IL1RAPL2: variants seen among roughly 807,000 people sequenced by gnomAD.
IL1RAPL2 encodes the protein interleukin 1 receptor accessory protein like 2.
Under a neutral mutation model 44.1 loss-of-function variants are expected in IL1RAPL2, and 3 were observed. That is an observed-to-expected ratio of 0.07 (90% CI 0.03 to 0.18). The LOEUF is 0.18. Among genes scored for constraint, IL1RAPL2 ranks in the 10% least tolerant of loss-of-function variants. The pLI, the probability that IL1RAPL2 is intolerant of heterozygous loss-of-function variation, is 1.00. For synonymous variants in IL1RAPL2, 181 were observed against 178.8 expected (o/e 1.01, Z -0.10); for missense variants, 391 against 496.4 (o/e 0.79, Z 2.02).
intron 5 of IL1RAPL2, among the ~76,000 whole-genome samples, chrX:105,367,505 G>A (rs1395607565): frequency 9.1e-6 from 1 of 110,456 alleles, no homozygotes; most frequent in South Asian, 3.7e-4. Flanking sequence ...TGCATTTTGT[G>A]TATCTACTAA....
At chrX:105,751,750 G>A (rs180863461) in intron 9 of IL1RAPL2, among the ~76,000 whole-genome samples, 31 of 111,814 alleles carry the variant, frequency 2.8e-4, no homozygotes, top group South Asian at 3.7e-4. Flanking sequence ...ATTAGCTTCA[G>A]TGGAATACTA....
At chrX:105,632,866 T>A (rs781529306) in intron 6 of IL1RAPL2, among the ~76,000 whole-genome samples, 43 of 111,967 alleles carry the variant, frequency 3.8e-4, no homozygotes, top group African/African-American at 1.4e-3. Context: ...ATGCCAGTTC[T>A]CAACGAGGTG....
chrX:105,472,480 C>T (rs1465365044), intron 5 of IL1RAPL2, among the ~76,000 whole-genome samples: 2 of 111,734 alleles, frequency 1.8e-5, no homozygotes, highest in Non-Finnish European at 3.8e-5. Flanking sequence ...TTCTTGCTTT[C>T]CTAGTCTCCG....
chrX:105,371,206 C>A (rs1399167539), intron 5 of IL1RAPL2, among the ~76,000 whole-genome samples: 1 of 111,907 alleles, frequency 8.9e-6, no homozygotes, highest in East Asian at 2.8e-4. Flanking sequence ...TTGACAATTT[C>A]TTTTGCTGTG....
At chrX:105,376,640 C>G (rs900162556) in intron 5 of IL1RAPL2, among the ~76,000 whole-genome samples, 2 of 111,678 alleles carry the variant, frequency 1.8e-5, no homozygotes, top group African/African-American at 6.5e-5. Context: ...AGTTCCTAGT[C>G]TGGATATTTT....
In IL1RAPL2 at chrX:104,588,300, AC is replaced by A. The variant is rs1422432265; in HGVS notation, c.-20+21253del. Among the ~76,000 whole-genome samples the A allele has an allele frequency of 1.0e-4, 11 of 110,038 alleles. No individual in the cohort carries two copies. The East Asian group carries it at 3.1e-3, about 31-fold the overall frequency. Reference sequence around the variant, plus strand: ...TGTTCCTTTTCAAGTCAACAGTACCACCCCTGAACTTTCTGAGCAGCATGTA... The same window carrying A: ...TGTTCCTTTTCAAGTCAACAGTACCACCCTGAACTTTCTGAGCAGCATGTA... On this transcript the variant is annotated intron_variant, in intron 1 of 10. Transcript: ENST00000372582.
At chrX:105,549,078 T>C (rs933848534) in intron 6 of IL1RAPL2, among the ~76,000 whole-genome samples, 18 of 111,739 alleles carry the variant, frequency 1.6e-4, no homozygotes, top group Non-Finnish European at 5.6e-5. Flanking sequence ...CTGTGTATGG[T>C]AAACACGCAG....
chrX:105,718,642 G>A (rs1327763474), intron 7 of IL1RAPL2, among the ~76,000 whole-genome samples: 1 of 111,643 alleles, frequency 9.0e-6, no homozygotes, highest in Non-Finnish European at 1.9e-5. Context: ...ATTATAGGCT[G>A]AGCACAGTTA....
intron 2 of IL1RAPL2, among the ~76,000 whole-genome samples, chrX:105,159,280 C>T (rs942410370): frequency 8.9e-6 from 1 of 111,867 alleles, no homozygotes; most frequent in African/African-American, 3.2e-5. Flanking sequence ...GAAGTTTTGA[C>T]TATAAAGGTC....
At chrX:105,469,036 G>A (rs757961021) in intron 5 of IL1RAPL2, among the ~76,000 whole-genome samples, 2 of 111,905 alleles carry the variant, frequency 1.8e-5, no homozygotes, top group East Asian at 5.7e-4. Flanking sequence ...AGCACAAGCA[G>A]TGGGACTAGA....
rs1556140362 is a variant in IL1RAPL2, at chrX:105,195,527, A to T, written c.135A>T (p.Ala45=). The part of the protein sequence containing the change: ...SVDLKTYMAL[A]GEPVRVKCAL... ...ATCTCAAGACATACATGGCTTTGGC[A>T]GGTGAACCAGTCCGAGTGAAATGTG... Residue 45 remains alanine, a synonymous_variant, in exon 3 of 11, where the codon GCA becomes GCT. Transcript: ENST00000372582. 8.3e-7 allele frequency: 1 copy of T among 1,211,443 alleles called. No individual in the cohort carries two copies. The highest frequency in any genetic ancestry group is 1.7e-5 in the African/African-American group (1 of 57,919).
At chrX:105,120,396 A>G (rs763881110) in intron 2 of IL1RAPL2, among the ~76,000 whole-genome samples, 1 of 110,735 alleles carries the variant, frequency 9.0e-6, no homozygotes, top group Non-Finnish European at 1.9e-5. Context: ...TGATCAGAGC[A>G]TTACCCAATT....
intron 2 of IL1RAPL2, among the ~76,000 whole-genome samples, chrX:104,915,253 C>T (rs1351837109): frequency 3.8e-4 from 42 of 110,913 alleles, no homozygotes; most frequent in African/African-American, 1.4e-3. Flanking sequence ...TTAATGATCG[C>T]CATTCTAACT....
intron 8 of IL1RAPL2, among the ~76,000 whole-genome samples, chrX:105,746,263 G>C (rs764862739): frequency 8.9e-6 from 1 of 112,291 alleles, no homozygotes; most frequent in Non-Finnish European, 1.9e-5. Flanking sequence ...CATGTACTTT[G>C]GGTGCCTAGA....
chrX:104,609,656 G>T (rs919492877), intron 1 of IL1RAPL2, among the ~76,000 whole-genome samples: 1 of 111,474 alleles, frequency 9.0e-6, no homozygotes, highest in African/African-American at 3.3e-5. Context: ...TTTGAAGCTT[G>T]TACATGCTTC....
At chrX:105,179,646 T>C (rs1341442953) in intron 2 of IL1RAPL2, among the ~76,000 whole-genome samples, 2 of 111,876 alleles carry the variant, frequency 1.8e-5, no homozygotes, top group African/African-American at 3.2e-5. Context: ...TCTATTTGTT[T>C]CTGTCACCTT....
At chrX:105,113,418 C>T (rs2032821707) in intron 2 of IL1RAPL2, among the ~76,000 whole-genome samples, 3 of 112,334 alleles carry the variant, frequency 2.7e-5, no homozygotes, top group Non-Finnish European at 3.8e-5. Context: ...AGTGTTCTTT[C>T]GAGGATTGAG....
chrX:104,682,603 T>C (rs1930907611), intron 2 of IL1RAPL2, among the ~76,000 whole-genome samples: 1 of 112,321 alleles, frequency 8.9e-6, no homozygotes, highest in African/African-American at 3.2e-5. Flanking sequence ...CTCCCAAGAA[T>C]AGCTTAGATT....
intron 2 of IL1RAPL2, among the ~76,000 whole-genome samples, chrX:104,998,099 A>T (rs1040310551): frequency 2.7e-5 from 3 of 111,632 alleles, no homozygotes; most frequent in African/African-American, 9.8e-5. Context: ...GTTTGAATAA[A>T]AAAGGAGAAT....
Sources: gnomAD v4.1 joint callset for allele counts (sites outside exome capture counted in the v4.1 genomes callset) on GRCh38, gnomAD v4.1.1 for gene constraint, MANE v1.5 for transcripts, NCBI Gene and HGNC (gene_info 2026-07-23, HGNC 2026-07-21) for gene names.